Variants in VMP1 observed in about 807,000 individuals in gnomAD.
VMP1 encodes ectopic P-granules autophagy protein 3 homolog.
VMP1 carries 11 observed loss-of-function variants against 56.0 expected under a neutral mutation model. The ratio of observed to expected loss-of-function variants is 0.20; its 90% CI spans 0.12 to 0.32. The LOEUF (loss-of-function observed/expected upper bound fraction) is 0.32. Ranked by LOEUF, VMP1 falls within the 10% of genes least tolerant of loss-of-function variation. The pLI is 1.00. For synonymous variants in VMP1, 149 were observed against 165.0 expected (o/e 0.90, Z 0.74); for missense variants, 296 against 490.3 (o/e 0.60, Z 3.74).
intron 3 of VMP1, among the ~76,000 whole-genome samples, chr17:59,736,204 C>T (rs2035008346): frequency 6.6e-6 from 1 of 151,810 alleles, no homozygotes; most frequent in Non-Finnish European, 1.5e-5. Context: ...GTCAGGAATT[C>T]GAGACCTGGC....
chr17:59,818,002 A>G (rs1200584149), intron 10 of VMP1, among the ~76,000 whole-genome samples: 1 of 152,148 alleles, frequency 6.6e-6, no homozygotes, highest in East Asian at 1.9e-4. Flanking sequence ...ATCAAGTCAT[A>G]TAATTCTGGG....
intron 7 of VMP1, among the ~76,000 whole-genome samples, chr17:59,784,395 T>A (rs2036935671): frequency 6.6e-6 from 1 of 152,116 alleles, no homozygotes; most frequent in Admixed American, 6.6e-5. Context: ...TTGTGAACTA[T>A]TTTATGATTC....
chr17:59,716,089 A>G (rs1008509606), intron 1 of VMP1, among the ~76,000 whole-genome samples: 1 of 152,076 alleles, frequency 6.6e-6, no homozygotes, highest in African/African-American at 2.4e-5. Flanking sequence ...TAGCTTATTC[A>G]TAAGTGTGGC....
chr17:59,728,994 C>T (rs905825984), intron 1 of VMP1, among the ~76,000 whole-genome samples: 3 of 152,144 alleles, frequency 2.0e-5, no homozygotes, highest in Non-Finnish European at 2.9e-5. Context: ...CATGGATATG[C>T]ATATTCTGGA....
At chr17:59,727,615 T>A (rs965987850) in intron 1 of VMP1, among the ~76,000 whole-genome samples, 1 of 152,178 alleles carries the variant, frequency 6.6e-6, no homozygotes, top group Non-Finnish European at 1.5e-5. Flanking sequence ...TCAGTGCCCA[T>A]TGGAGACCCC....
chr17:59,834,996 G>C (rs1017297642), intron 10 of VMP1, among the ~76,000 whole-genome samples: 2 of 151,602 alleles, frequency 1.3e-5, no homozygotes. Flanking sequence ...CTGACCTCAG[G>C]TGATCCACCT....
intron 1 of VMP1, among the ~76,000 whole-genome samples, chr17:59,724,200 A>G (rs141218313): frequency 6.8e-6 from 1 of 147,960 alleles, no homozygotes; most frequent in African/African-American, 2.5e-5. Context: ...GGACAGAGTG[A>G]GACCCTGTCT....
At chr17:59,788,762 C>T (rs1346320854) in intron 7 of VMP1, among the ~76,000 whole-genome samples, 1 of 149,122 alleles carries the variant, frequency 6.7e-6, no homozygotes, top group Non-Finnish European at 1.5e-5. Flanking sequence ...GCTGAGATCA[C>T]ACCACTGCAC....
intron 5 of VMP1, among the ~76,000 whole-genome samples, chr17:59,752,516 A>C (rs1017824526): frequency 2.0e-5 from 3 of 152,218 alleles, no homozygotes; most frequent in African/African-American, 7.2e-5. Flanking sequence ...ATGCTTTAGA[A>C]AAGAATATAG....
At chr17:59,823,766 C>T (rs1237103216) in intron 10 of VMP1, among the ~76,000 whole-genome samples, 1 of 150,994 alleles carries the variant, frequency 6.6e-6, no homozygotes, top group Non-Finnish European at 1.5e-5. Context: ...AAAAAAATCG[C>T]TGAATGGTAT....
At chr17:59,765,989 TCTTA>T (rs1422461699) in intron 6 of VMP1, among the ~76,000 whole-genome samples, 14 of 151,938 alleles carry the variant, frequency 9.2e-5, no homozygotes, top group African/African-American at 1.2e-4. Flanking sequence ...ATGTCATATG[TCTTA>T]CTTTTTTTAA....
intron 10 of VMP1, among the ~76,000 whole-genome samples, chr17:59,825,861 G>A (rs529414489): frequency 6.6e-6 from 1 of 152,224 alleles, no homozygotes; most frequent in South Asian, 2.1e-4. Flanking sequence ...GCTTGAATCC[G>A]AATGTTGTTT....
chr17:59,796,485 A>G (rs968262740), intron 7 of VMP1, among the ~76,000 whole-genome samples: 6 of 152,230 alleles, frequency 3.9e-5, no homozygotes, highest in African/African-American at 1.4e-4. Context: ...AGTAGTTATC[A>G]GGTTTATTCA....
At chr17:59,731,629 A>G (rs1026975522) in intron 2 of VMP1, 107 bp downstream of exon 2, 4 of 773,424 alleles carry the variant, frequency 5.2e-6, no homozygotes, top group Non-Finnish European at 7.3e-6. Context: ...ATCTTATATT[A>G]TCTTCTTAGT....
intron 1 of VMP1, among the ~76,000 whole-genome samples, chr17:59,717,275 G>T (rs1015759246): frequency 6.6e-6 from 1 of 152,040 alleles, no homozygotes; most frequent in African/African-American, 2.4e-5. Flanking sequence ...CGGCCGGTCC[G>T]CCATCTTTTT....
chr17:59,720,863 C>G (rs2034364920), intron 1 of VMP1, among the ~76,000 whole-genome samples: 1 of 151,958 alleles, frequency 6.6e-6, no homozygotes, highest in Non-Finnish European at 1.5e-5. Context: ...ATCCCAGCTA[C>G]TTGGGAGGCT....
intron 2 of VMP1, among the ~76,000 whole-genome samples, chr17:59,734,270 A>T (rs1260493566): frequency 6.6e-6 from 1 of 152,236 alleles, no homozygotes; most frequent in African/African-American, 2.4e-5. Flanking sequence ...TGAGGGATAC[A>T]TTCCATGACC....
intron 7 of VMP1, among the ~76,000 whole-genome samples, chr17:59,782,032 C>A (rs924969845): frequency 2.0e-5 from 3 of 152,086 alleles, no homozygotes; most frequent in Non-Finnish European, 2.9e-5. Context: ...ACTCAGCCTC[C>A]CAAGTAGCTA....
At chr17:59,775,437 C>T (rs917641138) in intron 7 of VMP1, among the ~76,000 whole-genome samples, 3 of 152,030 alleles carry the variant, frequency 2.0e-5, no homozygotes, top group Admixed American at 6.5e-5. Flanking sequence ...TATTCCCCAG[C>T]CTCAATCTCT....
Sources: allele counts gnomAD v4.1 joint callset (sites outside exome capture counted in the v4.1 genomes callset), GRCh38; gene constraint gnomAD v4.1.1; transcripts MANE v1.5; gene names NCBI Gene and HGNC (gene_info 2026-07-23, HGNC 2026-07-21).